Variants in PHKB observed in about 807,000 individuals in gnomAD.
The protein encoded by PHKB is phosphorylase b kinase regulatory subunit beta.
A neutral mutation model predicts 152.1 loss-of-function variants in PHKB; 122 were observed. The observed-to-expected ratio is 0.80, with a 90% CI of 0.69 to 0.93. The LOEUF (loss-of-function observed/expected upper bound fraction) is 0.93. Ranked by LOEUF, PHKB falls within the 40% of genes least tolerant of loss-of-function variation. The probability of loss-of-function intolerance (pLI) is 0.00; values close to 1 mark genes in which losing one functional copy is unlikely to be tolerated. For missense variants in PHKB, 1,304 were observed against 1,328.4 expected, an observed-to-expected ratio of 0.98 and a Z score of 0.29; for synonymous variants, 436 against 464.9, an observed-to-expected ratio of 0.94 and a Z score of 0.80.
rs141679215 is a variant in PHKB at position 47,485,680 on chromosome 16, C to T, written c.77-11719C>T. The stretch of plus-strand genomic sequence containing the variant: ...CTGTCGCCAGGCTGGAGTCCAGGTG[C>T]GTGATCTTTGCTCACTGCAACCTCT... On this transcript the variant is annotated intron_variant, in intron 1 of 30. Transcript: ENST00000323584. Among the ~76,000 whole-genome samples the T allele has an allele frequency of 5.3e-3, 807 of 152,276 alleles. 5 individuals are homozygous for T. Among genetic ancestry groups the T allele is most frequent in the Middle Eastern group, 0.034 (10 of 294 alleles).
chr16:47,488,988 T>C (rs1970099108), intron 1 of PHKB, among the ~76,000 whole-genome samples: 1 of 152,226 alleles, frequency 6.6e-6, no homozygotes, highest in South Asian at 2.1e-4. Context: ...TAAAATGTCA[T>C]TGGTAGTTTG....
rs2142079674 is a variant in PHKB, at chr16:47,669,384, A to C, written c.2597A>C (p.Glu866Ala). Residue 866 changes from glutamate to alanine, a missense_variant, in exon 26 of 31, where the codon GAG (glutamate) becomes GCG (alanine). Glu to Ala is a moderately radical substitution (Grantham distance 107). Coordinates refer to ENST00000323584, the MANE Select transcript of PHKB (RefSeq NM_000293.3). ...HIGWIISNNP[E>A]LFSGMLKIRI... ...GGCTGGATCATCTCCAATAACCCTG[A>C]GTTATTCAGTGGCATGCTGAAAATA... 1 of 1,614,094 alleles carries C rather than the reference A, an allele frequency of 6.2e-7. No individual in the cohort carries two copies. The highest frequency in any genetic ancestry group is 1.1e-5 in the South Asian group (1 of 91,080).
At position 47,588,847 on chromosome 16, in the gene PHKB, G is replaced by A. The variant is rs76691519; in HGVS notation, c.871-58G>A. 1.4e-3 allele frequency: 1,963 copies of A among 1,410,430 alleles called. 25 individuals are homozygous for A. The African/African-American group carries it at 0.025, about 18-fold the overall frequency. 87.4% of individuals were successfully genotyped at this position (1,410,430 alleles called of 1,614,324 possible). On this transcript the variant is annotated intron_variant, in intron 9 of 30. Coordinates refer to ENST00000323584, the MANE Select transcript of PHKB (RefSeq NM_000293.3). ...CTTTTCATCTCTATCATTCTCCTTG[G>A]GCTGTGTTGATCACATCGCTGTGGA...
chr16:47,529,100 C>A (rs1388198195), intron 6 of PHKB: 5 of 152,136 alleles, frequency 3.3e-5, no homozygotes, highest in African/African-American at 1.2e-4. Context: ...CTGTATTTGG[C>A]ATGAGACATT....
rs984304611 is a variant in PHKB, at chr16:47,471,316, G to T, written c.76+9890G>T. 7.2e-5 allele frequency among the ~76,000 whole-genome samples: 11 copies of T among 152,290 alleles called. No individual in the cohort carries two copies. The East Asian group carries it at 1.9e-3, about 27-fold the overall frequency. On this transcript the variant is annotated intron_variant, in intron 1 of 30. Coordinates refer to ENST00000323584, the MANE Select transcript of PHKB (RefSeq NM_000293.3). Reference sequence around the variant, plus strand: ...TGGGTGAGAGGAAGGCCTGGGATGGGCAGGGTCTTGGGAGCCTTGAAGATG... The same window carrying T: ...TGGGTGAGAGGAAGGCCTGGGATGGTCAGGGTCTTGGGAGCCTTGAAGATG...
chr16:47,698,601 CT>C lies in PHKB; in HGVS notation c.3144+34del, dbSNP rs5816579. ...AATTGAAAAACAAGTAAGTACACAG[CT>C]TTTTTTTTTTTTTTTTTTTTGAGAA... On this transcript the variant is annotated intron_variant, in intron 30 of 30. Transcript: ENST00000323584. 0.024 allele frequency: 17,703 copies of C among 724,758 alleles called. No individual in the cohort carries two copies. Among genetic ancestry groups the C allele is most frequent in the Middle Eastern group, 0.031 (58 of 1,878 alleles). 44.9% of individuals were successfully genotyped at this position (724,758 alleles called of 1,614,324 possible).
intron 16 of PHKB, 75 bp downstream of exon 16, chr16:47,641,767 C>A: frequency 2.5e-6 from 2 of 815,752 alleles, no homozygotes; most frequent in Non-Finnish European, 4.4e-6. Flanking sequence ...AGTTTACAGA[C>A]AAGTCACACA....
intron 3 of PHKB, among the ~76,000 whole-genome samples, chr16:47,502,187 A>G (rs1205270115): frequency 6.6e-6 from 1 of 152,194 alleles, no homozygotes; most frequent in African/African-American, 2.4e-5. Flanking sequence ...AGTTAAGATT[A>G]AGTGAAACAA....
chr16:47,631,024 A>G (rs1214851008), intron 14 of PHKB, among the ~76,000 whole-genome samples: 2 of 152,176 alleles, frequency 1.3e-5, no homozygotes, highest in East Asian at 3.9e-4. Context: ...GACTGAAACT[A>G]AACTGTCAGC....
chr16:47,573,400 C>T (rs1012901775), intron 7 of PHKB, among the ~76,000 whole-genome samples: 47 of 152,258 alleles, frequency 3.1e-4, no homozygotes, highest in African/African-American at 1.0e-3. Context: ...AGTGGCGATC[C>T]GAGGGCAGTT....
In PHKB at chr16:47,461,421, G is replaced by A; in HGVS notation, c.71G>A (p.Arg24His). 6.2e-7 allele frequency: 1 copy of A among 1,613,226 alleles called. No individual in the cohort carries two copies. Among genetic ancestry groups the A allele is most frequent in the Non-Finnish European group, 8.5e-7 (1 of 1,179,764 alleles). ...TTGGAGCGAAGAGCTCGGACCAAGC[G>A]CTCAGGTTTGGCTGGCTGGGGCGCC... ...KVLERRARTK[R>H]SGSVYEPLKS... The change falls in exon 1 of 31, where the codon CGC becomes CAC. Residue 24 changes from arginine to histidine, a missense_variant. Arg to His is a conservative substitution (Grantham distance 29). Coordinates refer to ENST00000323584, the MANE Select transcript of PHKB (RefSeq NM_000293.3).
At chr16:47,559,605 C>T (rs553818842) in intron 7 of PHKB, among the ~76,000 whole-genome samples, 2 of 152,250 alleles carry the variant, frequency 1.3e-5, no homozygotes, top group South Asian at 4.2e-4. Flanking sequence ...GACCTGTCCA[C>T]TGGAAGGCCT....
intron 4 of PHKB, among the ~76,000 whole-genome samples, chr16:47,508,272 A>C (rs908571347): frequency 2.0e-5 from 3 of 152,154 alleles, no homozygotes; most frequent in African/African-American, 7.2e-5. Context: ...AATGTCAGCT[A>C]TGTTTTACCT....
intron 13 of PHKB, among the ~76,000 whole-genome samples, chr16:47,609,547 GTGTGTT>G (rs1038051878): frequency 1.5e-4 from 21 of 143,856 alleles, no homozygotes; most frequent in African/African-American, 5.9e-4. Context: ...GGATGTGTGT[GTGTGTT>G]TGTGTGTGTG....
intron 7 of PHKB, among the ~76,000 whole-genome samples, chr16:47,557,451 A>G (rs1026199761): frequency 6.6e-6 from 1 of 152,256 alleles, no homozygotes; most frequent in Non-Finnish European, 1.5e-5. Context: ...CAGGCAGCCT[A>G]CAAAATGGGA....
intron 10 of PHKB, among the ~76,000 whole-genome samples, chr16:47,592,848 T>A (rs1972051646): frequency 6.6e-6 from 1 of 152,086 alleles, no homozygotes; most frequent in African/African-American, 2.4e-5. Flanking sequence ...TGAGGAAAAA[T>A]TTTTTTAAAA....
intron 26 of PHKB, among the ~76,000 whole-genome samples, chr16:47,686,058 A>G (rs979812556): frequency 3.9e-5 from 6 of 152,174 alleles, no homozygotes; most frequent in African/African-American, 1.4e-4. Context: ...TATTTTAATA[A>G]TATGACAGAT....
chr16:47,699,107 C>T, intron 30 of PHKB, 122 bp from the exon 31 acceptor site: 1 of 898,930 alleles, frequency 1.1e-6, no homozygotes, highest in Non-Finnish European at 1.8e-6. Flanking sequence ...TCAGGAATCT[C>T]ATATTTTCCA....
intron 6 of PHKB, among the ~76,000 whole-genome samples, chr16:47,535,059 C>G (rs1440162193): frequency 6.6e-6 from 1 of 152,126 alleles, no homozygotes; most frequent in African/African-American, 2.4e-5. Flanking sequence ...CTTTGTTGTT[C>G]CTGAGCAGTT....
Sources: gnomAD v4.1 joint callset for allele counts (sites outside exome capture counted in the v4.1 genomes callset) on GRCh38, gnomAD v4.1.1 for gene constraint, MANE v1.5 for transcripts, NCBI Gene and HGNC (gene_info 2026-07-23, HGNC 2026-07-21) for gene names.